The following TET3 variants were observed in gnomAD, a reference collection of about 807,000 sequenced individuals.
TET3 encodes the protein tet methylcytosine dioxygenase 3, also known as methylcytosine dioxygenase TET3.
In TET3, 19 loss-of-function variants were observed where a neutral mutation model predicts 141.4. That is an observed-to-expected ratio of 0.13 (90% CI 0.09 to 0.20). The LOEUF is 0.20. Ranked by LOEUF, TET3 falls within the 10% of genes least tolerant of loss-of-function variation. The pLI is 1.00. For missense variants in TET3, 1,874 were observed against 2,356.9 expected, an observed-to-expected ratio of 0.80 and a Z score of 4.24; for synonymous variants, 1,043 against 980.9, an observed-to-expected ratio of 1.06 and a Z score of -1.18.
chr2:74,098,643 G>A (rs1467431454), intron 10 of TET3, among the ~76,000 whole-genome samples: 1 of 150,336 alleles, frequency 6.7e-6, no homozygotes, highest in Non-Finnish European at 1.5e-5. Context: ...TGCCCAGGCT[G>A]GAGTGTAGTG....
the TET3 span, among the ~76,000 whole-genome samples, chr2:74,124,736 TAA>T: frequency 6.6e-6 from 1 of 152,040 alleles, no homozygotes; most frequent in South Asian, 2.1e-4. Context: ...GCATGCTCGT[TAA>T]GAGTCATCAC....
chr2:74,070,376 T>C (rs1689138632), intron 4 of TET3, among the ~76,000 whole-genome samples: 1 of 152,196 alleles, frequency 6.6e-6, no homozygotes, highest in African/African-American at 2.4e-5. Flanking sequence ...ATGAGACTTA[T>C]TCACTACCAT....
chr2:74,116,751 T>A, the TET3 span, among the ~76,000 whole-genome samples: 3 of 149,864 alleles, frequency 2.0e-5, no homozygotes, highest in Admixed American at 6.7e-5. Flanking sequence ...TTTGTCAATT[T>A]AAAAAAATTA....
chr2:74,057,267 AAG>A (rs1243738594), intron 4 of TET3, among the ~76,000 whole-genome samples: 1 of 152,224 alleles, frequency 6.6e-6, no homozygotes, highest in African/African-American at 2.4e-5. Context: ...CCAAAATCCT[AAG>A]AGTGTCTCTC....
downstream of TET3, among the ~76,000 whole-genome samples, chr2:74,108,772 C>T (rs1442628103): frequency 6.6e-6 from 1 of 152,146 alleles, no homozygotes; most frequent in African/African-American, 2.4e-5. Flanking sequence ...CTCCTTCCTC[C>T]TGCATGAAAC....
chr2:74,135,316 C>T, the TET3 span: 289 of 499,256 alleles, frequency 5.8e-4, no homozygotes, highest in African/African-American at 6.1e-3. Flanking sequence ...AAAGCTGGCA[C>T]TGCATTCTCT....
intron 3 of TET3, among the ~76,000 whole-genome samples, chr2:74,030,730 C>T (rs1419539351): frequency 6.6e-6 from 1 of 152,116 alleles, no homozygotes; most frequent in African/African-American, 2.4e-5. Flanking sequence ...ATGAGTCCAA[C>T]AGTAGTGTTC....
At chr2:74,073,841 A>C in intron 5 of TET3, 1 of 462,408 alleles carries the variant, frequency 2.2e-6, no homozygotes, top group Non-Finnish European at 3.8e-6. Context: ...TGCCCAATTC[A>C]TGTCCCCCTG....
the TET3 span, chr2:74,134,585 G>C: frequency 7.1e-6 from 3 of 419,740 alleles, no homozygotes; most frequent in South Asian, 5.2e-5. Flanking sequence ...GAGTGTGAGA[G>C]AGGAGTGGAT....
rs749968194 is a variant in TET3 at position 74,100,928 on chromosome 2, G to C, written c.4140G>C (p.Arg1380Ser). ...PKAPLLHSVS[R>S]DPSPFAQSSN... ...CCCCCCTACTCCACTCAGTGTCCAG[G>C]GACCCCTCCCCCTTTGCCCAGAGCT... The change falls in exon 12 of 12, where the codon AGG becomes AGC. Residue 1380 changes from arginine to serine, a missense_variant. Arg to Ser is a moderately radical substitution (Grantham distance 110). This residue lies in a region of TET3 where 602 missense variants were observed against 590.2 expected (regional missense o/e 1.02). Transcript: ENST00000409262. 12 of 1,610,920 alleles carry C rather than the reference G, an allele frequency of 7.4e-6. No individual in the cohort carries two copies.
At chr2:74,065,182 TAACTCATAGA>T (rs1688813489) in intron 4 of TET3, among the ~76,000 whole-genome samples, 1 of 152,254 alleles carries the variant, frequency 6.6e-6, no homozygotes, top group Non-Finnish European at 1.5e-5. Context: ...CTTTTAATGG[TAACTCATAGA>T]AATTATGCAT....
chr2:74,070,241 C>G (rs2103911989), intron 4 of TET3, among the ~76,000 whole-genome samples: 1 of 152,302 alleles, frequency 6.6e-6, no homozygotes, highest in Admixed American at 6.5e-5. Flanking sequence ...GTTTAATGGA[C>G]TCACAGTTCC....
At chr2:74,100,290 A>G (rs1283553271) in intron 11 of TET3, 103 bp from the exon 12 acceptor site, 11 of 1,253,750 alleles carry the variant, frequency 8.8e-6, no homozygotes, top group Non-Finnish European at 1.2e-5. Context: ...AAGAGGAAAC[A>G]TCCCTGGGAA....
At chr2:74,110,061 C>T (rs142064679), downstream of TET3, among the ~76,000 whole-genome samples, 59 of 152,182 alleles carry the variant, frequency 3.9e-4, no homozygotes, top group East Asian at 7.7e-4. Context: ...GCCAGGCATT[C>T]GGGACATAGC....
chr2:74,085,698 G>A lies in TET3; in HGVS notation c.2680-2132G>A, dbSNP rs528360568. Reference sequence around the variant, plus strand: ...CAGGAGGTGGAGCTCAGGCGGTAACGCCCGCTCGCCTGCTGCTCACCTCCT... The same window carrying A: ...CAGGAGGTGGAGCTCAGGCGGTAACACCCGCTCGCCTGCTGCTCACCTCCT... On this transcript the variant is annotated intron_variant, in intron 6 of 11. Coordinates refer to ENST00000409262, the MANE Select transcript of TET3 (RefSeq NM_001287491.2). Among the ~76,000 whole-genome samples the A allele has an allele frequency of 4.6e-5, 7 of 152,322 alleles. No homozygotes were observed. The East Asian group carries it at 9.7e-4, about 21-fold the overall frequency.
intron 4 of TET3, among the ~76,000 whole-genome samples, chr2:74,060,467 C>T (rs756150383): frequency 7.9e-5 from 12 of 151,980 alleles, no homozygotes; most frequent in African/African-American, 2.4e-5. Context: ...GATCCAAGTT[C>T]GACTTACTTA....
In TET3 at chr2:74,073,650, C is replaced by T. The variant is rs1278391585; in HGVS notation, c.2585+11C>T. The T allele has an allele frequency of 6.3e-7, 1 of 1,595,766 alleles. No individual in the cohort carries two copies. The highest frequency in any genetic ancestry group is 2.2e-5 in the East Asian group (1 of 44,646). ...ACTCATGGAGGAGCGGTGAGTGATACACAGATGTCCAAGGAGAAATGGATG... is the reference window on the plus strand; with the variant it reads ...ACTCATGGAGGAGCGGTGAGTGATATACAGATGTCCAAGGAGAAATGGATG... On this transcript the variant is annotated intron_variant, in intron 5 of 11. Transcript: ENST00000409262.
chr2:74,039,512 A>G (rs1687235076), intron 3 of TET3, among the ~76,000 whole-genome samples: 1 of 152,166 alleles, frequency 6.6e-6, no homozygotes, highest in South Asian at 2.1e-4. Context: ...CCTGAAATAC[A>G]TAGTCTGGTC....
chr2:74,114,853 CAAAA>C, the TET3 span, among the ~76,000 whole-genome samples: 7 of 43,880 alleles, frequency 1.6e-4, no homozygotes, highest in East Asian at 3.5e-3. Flanking sequence ...GACTCTGTCT[CAAAA>C]AAAAAAAAAA....
Sources: allele counts gnomAD v4.1 joint callset (sites outside exome capture counted in the v4.1 genomes callset), GRCh38; gene constraint gnomAD v4.1.1; regional missense constraint gnomAD v4.1.1; transcripts MANE v1.5; gene names NCBI Gene and HGNC (gene_info 2026-07-23, HGNC 2026-07-21).